RNF220: variants seen among roughly 807,000 people sequenced by gnomAD.
RNF220 encodes ring finger protein 220.
Under a neutral mutation model 67.1 loss-of-function variants are expected in RNF220, and 7 were observed. The observed-to-expected ratio is 0.10, with a 90% CI of 0.06 to 0.20. RNF220 has a LOEUF of 0.20. Ranked by LOEUF, RNF220 falls within the 10% of genes least tolerant of loss-of-function variation. The pLI is 1.00. For synonymous variants in RNF220, 270 were observed against 283.2 expected (o/e 0.95, Z 0.47); for missense variants, 565 against 740.3 (o/e 0.76, Z 2.75).
intron 2 of RNF220, among the ~76,000 whole-genome samples, chr1:44,511,589 G>A (rs902114001): frequency 1.3e-5 from 2 of 152,214 alleles, no homozygotes. Flanking sequence ...CTGATAGAAA[G>A]CAGGTAGGAG....
At chr1:44,463,535 T>C (rs1653987631) in intron 2 of RNF220, among the ~76,000 whole-genome samples, 1 of 152,004 alleles carries the variant, frequency 6.6e-6, no homozygotes, top group South Asian at 2.1e-4. Flanking sequence ...TGTAATTTTG[T>C]TTCTTTTTTT....
chr1:44,646,281 C>T (rs922438949), intron 12 of RNF220, among the ~76,000 whole-genome samples: 5 of 152,238 alleles, frequency 3.3e-5, no homozygotes, highest in African/African-American at 4.8e-5. Context: ...AGGGCCGGGT[C>T]GGTGGCCCAG....
intron 2 of RNF220, among the ~76,000 whole-genome samples, chr1:44,440,679 G>C (rs959393968): frequency 6.6e-5 from 10 of 152,164 alleles, no homozygotes; most frequent in African/African-American, 9.7e-5. Flanking sequence ...TGTCACTCCA[G>C]CAGACTTCAG....
intron 2 of RNF220, among the ~76,000 whole-genome samples, chr1:44,558,063 C>T: frequency 6.6e-6 from 1 of 152,266 alleles, no homozygotes; most frequent in Non-Finnish European, 1.5e-5. Flanking sequence ...TTTTGGCCAA[C>T]AGCCTCAGGG....
chr1:44,582,630 G>A (rs539846775), intron 2 of RNF220, among the ~76,000 whole-genome samples: 4 of 151,002 alleles, frequency 2.6e-5, no homozygotes, highest in Admixed American at 2.0e-4. Context: ...GGTGGCAGGC[G>A]CCTCTAATCC....
At chr1:44,609,404 A>G (rs1423951524) in intron 2 of RNF220, among the ~76,000 whole-genome samples, 3 of 152,340 alleles carry the variant, frequency 2.0e-5, no homozygotes, top group South Asian at 4.1e-4. Context: ...GAACTGGGAC[A>G]AAACCAAACA....
At chr1:44,644,311 T>A (rs140276783) in intron 8 of RNF220, 48 of 198,902 alleles carry the variant, frequency 2.4e-4, no homozygotes, top group African/African-American at 9.3e-4. Flanking sequence ...TAATGGGGCA[T>A]AGGGGAGGCC....
At chr1:44,520,480 A>G (rs1186321725) in intron 2 of RNF220, among the ~76,000 whole-genome samples, 1 of 152,070 alleles carries the variant, frequency 6.6e-6, no homozygotes, top group East Asian at 1.9e-4. Context: ...AAAGAAAAGA[A>G]ACTACATGAC....
intron 2 of RNF220, among the ~76,000 whole-genome samples, chr1:44,611,369 C>A (rs1643299969): frequency 1.3e-5 from 2 of 152,178 alleles, no homozygotes; most frequent in Admixed American, 1.3e-4. Context: ...ACGCCTGGTC[C>A]CCATGCTTGG....
At chr1:44,428,678 A>T (rs59309731) in intron 2 of RNF220, among the ~76,000 whole-genome samples, 2,121 of 152,196 alleles carry the variant, frequency 0.014, 41 homozygotes, top group African/African-American at 0.047. Flanking sequence ...CCGACTTCGC[A>T]TCCTTGTGTT....
At chr1:44,530,100 A>C (rs536571159) in intron 2 of RNF220, among the ~76,000 whole-genome samples, 4 of 152,250 alleles carry the variant, frequency 2.6e-5, no homozygotes, top group South Asian at 4.1e-4. Flanking sequence ...AAGCAACAAC[A>C]TACTTTTTTT....
intron 2 of RNF220, among the ~76,000 whole-genome samples, chr1:44,430,035 A>G (rs1650191751): frequency 6.6e-6 from 1 of 151,882 alleles, no homozygotes. Flanking sequence ...AAAATGAGTT[A>G]GAGCCGTAAG....
At chr1:44,628,422 T>C (rs907289419) in intron 5 of RNF220, among the ~76,000 whole-genome samples, 3 of 152,258 alleles carry the variant, frequency 2.0e-5, no homozygotes, top group Non-Finnish European at 4.4e-5. Flanking sequence ...TGCAGTGTTA[T>C]ACATACAACT....
chr1:44,511,912 TGTGC>T (rs1553234637), intron 2 of RNF220, among the ~76,000 whole-genome samples: 1 of 127,032 alleles, frequency 7.9e-6, no homozygotes, highest in Non-Finnish European at 1.7e-5. Context: ...GAAGCGTGTG[TGTGC>T]GTGTGTGTGT....
Position 44,591,366 on chromosome 1 carries a change from T to A in RNF220, c.626-22799T>A, listed in dbSNP as rs114824737. 1.1e-4 allele frequency among the ~76,000 whole-genome samples: 16 copies of A among 152,336 alleles called. No homozygotes were observed. The East Asian group carries it at 2.3e-3, about 22-fold the overall frequency. ...GAGGAGGCTGGCAGGTCACCTATCG[T>A]CCATGCGCAATGCCCTTGCAGGCCT... On this transcript the variant is annotated intron_variant, in intron 2 of 14. Transcript: ENST00000361799.
chr1:44,417,269 G>C lies in RNF220; in HGVS notation c.625+4547G>C, dbSNP rs2147820443. On this transcript the variant is annotated intron_variant, in intron 2 of 14. Coordinates refer to ENST00000361799, the MANE Select transcript of RNF220 (RefSeq NM_018150.4). The surrounding 1 kb of genome is among the most constrained non-coding windows in gnomAD (Gnocchi z 4.0). ...TCCCGGGTTCTCCCCTACTCCCCGG[G>C]GGCAAGAACTCCTGTGATGTGTGTG... is the stretch of plus-strand genomic sequence containing the variant. Among the ~76,000 whole-genome samples, 1 of 152,308 alleles carries C rather than the reference G, an allele frequency of 6.6e-6. No individual in the cohort carries two copies. The highest frequency in any genetic ancestry group is 1.5e-5 in the Non-Finnish European group (1 of 68,032).
intron 1 of RNF220, chr1:44,408,866 G>C (rs1008097141): frequency 3.9e-5 from 6 of 152,240 alleles, no homozygotes; most frequent in East Asian, 1.9e-4. Context: ...GGAGGCAGAG[G>C]GGGCAGCAGC....
At chr1:44,610,630 G>A (rs1283334631) in intron 2 of RNF220, among the ~76,000 whole-genome samples, 5 of 152,210 alleles carry the variant, frequency 3.3e-5, no homozygotes, top group Admixed American at 2.0e-4. Flanking sequence ...AGGAACACTC[G>A]AGAGGATGCC....
At chr1:44,552,653 C>A (rs1034951262) in intron 2 of RNF220, among the ~76,000 whole-genome samples, 1 of 139,848 alleles carries the variant, frequency 7.2e-6, no homozygotes, top group African/African-American at 2.6e-5. Context: ...TCCCTGCAAG[C>A]TCCGCCTCCC....
Sources: allele counts gnomAD v4.1 joint callset (sites outside exome capture counted in the v4.1 genomes callset), GRCh38; gene constraint gnomAD v4.1.1; non-coding constraint Gnocchi (gnomAD v3.1); transcripts MANE v1.5; gene names NCBI Gene and HGNC (gene_info 2026-07-23, HGNC 2026-07-21).